The following RGL1 variants were observed in gnomAD, a reference collection of about 807,000 sequenced individuals.
The protein encoded by RGL1 is ral guanine nucleotide dissociation stimulator-like 1.
In RGL1, 24 loss-of-function variants were observed where a neutral mutation model predicts 95.2. That is an observed-to-expected ratio of 0.25 (90% CI 0.18 to 0.35). The LOEUF (loss-of-function observed/expected upper bound fraction) is 0.35. Ranked by LOEUF, RGL1 falls within the 10% of genes least tolerant of loss-of-function variation. The probability of loss-of-function intolerance (pLI) is 1.00; values close to 1 mark genes in which losing one functional copy is unlikely to be tolerated. For synonymous variants in RGL1, 329 were observed against 344.9 expected (o/e 0.95, Z 0.51); for missense variants, 715 against 936.3 (o/e 0.76, Z 3.08).
intron 2 of RGL1, among the ~76,000 whole-genome samples, chr1:183,841,290 C>T (rs1664041503): frequency 6.6e-6 from 1 of 152,092 alleles, no homozygotes; most frequent in African/African-American, 2.4e-5. Context: ...TTTTAGTATG[C>T]ATAGATCCCA....
chr1:183,660,135 A>G (rs1651500105), intron 1 of RGL1, among the ~76,000 whole-genome samples: 1 of 152,210 alleles, frequency 6.6e-6, no homozygotes, highest in Non-Finnish European at 1.5e-5. Context: ...GAGGCTAGGA[A>G]GAAACTGCAT....
intron 2 of RGL1, among the ~76,000 whole-genome samples, chr1:183,779,606 G>GTAAGATGACTC (rs1361010373): frequency 6.6e-6 from 1 of 152,092 alleles, no homozygotes; most frequent in African/African-American, 2.4e-5. Context: ...CGATGAGTGT[G>GTAAGATGACTC]TAAGATGACT....
intron 1 of RGL1, among the ~76,000 whole-genome samples, chr1:183,739,050 G>A (rs1657125690): frequency 6.6e-6 from 1 of 152,210 alleles, no homozygotes; most frequent in African/African-American, 2.4e-5. Flanking sequence ...AAATTAAGAA[G>A]TTTAAGGTAG....
intron 14 of RGL1, among the ~76,000 whole-genome samples, chr1:183,910,395 C>G (rs1264332659): frequency 1.3e-5 from 2 of 152,150 alleles, no homozygotes; most frequent in African/African-American, 4.8e-5. Context: ...CTGTGCCTGG[C>G]CCCCTGTTGA....
At chr1:183,863,003 A>G (rs1318855556) in intron 3 of RGL1, among the ~76,000 whole-genome samples, 1 of 152,220 alleles carries the variant, frequency 6.6e-6, no homozygotes, top group Non-Finnish European at 1.5e-5. Flanking sequence ...GCAGTCTGGG[A>G]AGGCCTCACT....
chr1:183,711,347 G>A (rs1655252406), intron 1 of RGL1, among the ~76,000 whole-genome samples: 1 of 152,172 alleles, frequency 6.6e-6, no homozygotes, highest in South Asian at 2.1e-4. Flanking sequence ...GTCCCTGGAT[G>A]TAGTTCAATG....
At chr1:183,679,329 C>T (rs1653041631) in intron 1 of RGL1, among the ~76,000 whole-genome samples, 1 of 151,882 alleles carries the variant, frequency 6.6e-6, no homozygotes, top group South Asian at 2.1e-4. Context: ...TGGTGGTTTC[C>T]TGCACCTATC....
At chr1:183,822,171 C>A (rs187079525) in intron 2 of RGL1, among the ~76,000 whole-genome samples, 47 of 151,986 alleles carry the variant, frequency 3.1e-4, no homozygotes, top group African/African-American at 9.9e-4. Flanking sequence ...TGTAAAAATT[C>A]TTTTGGGCTG....
intron 2 of RGL1, among the ~76,000 whole-genome samples, chr1:183,749,999 C>G (rs562976957): frequency 3.0e-4 from 46 of 152,120 alleles, no homozygotes; most frequent in Non-Finnish European, 6.2e-4. Context: ...AAATTTTTTT[C>G]TTCATTTCAA....
At chr1:183,878,849 C>G (rs779313414) in intron 4 of RGL1, among the ~76,000 whole-genome samples, 5 of 152,158 alleles carry the variant, frequency 3.3e-5, no homozygotes, top group Non-Finnish European at 7.3e-5. Context: ...TATCACCTCT[C>G]CATATCTGTT....
At chr1:183,738,364 T>C (rs554363007) in intron 1 of RGL1, among the ~76,000 whole-genome samples, 3 of 151,440 alleles carry the variant, frequency 2.0e-5, no homozygotes, top group Non-Finnish European at 4.4e-5. Flanking sequence ...GAGGTTGCAG[T>C]AAGCTGAGAT....
intron 2 of RGL1, among the ~76,000 whole-genome samples, chr1:183,828,971 G>A (rs1418356677): frequency 6.6e-6 from 1 of 152,072 alleles, no homozygotes; most frequent in Non-Finnish European, 1.5e-5. Flanking sequence ...CTTCAGTCAT[G>A]GTTTATTTCA....
intron 8 of RGL1, among the ~76,000 whole-genome samples, chr1:183,891,295 T>G (rs572334343): frequency 6.6e-6 from 1 of 151,984 alleles, no homozygotes; most frequent in Non-Finnish European, 1.5e-5. Flanking sequence ...CCCTGGAGGG[T>G]GTGTAGAGAA....
intron 1 of RGL1, among the ~76,000 whole-genome samples, chr1:183,674,891 T>C (rs1180759931): frequency 6.6e-6 from 1 of 152,218 alleles, no homozygotes; most frequent in African/African-American, 2.4e-5. Context: ...CTCTTCATAT[T>C]TTCTGTCTTT....
chr1:183,835,934 CT>C (rs1052375174), intron 2 of RGL1, among the ~76,000 whole-genome samples: 1 of 152,078 alleles, frequency 6.6e-6, no homozygotes, highest in African/African-American at 2.4e-5. Context: ...TACCGTATTG[CT>C]TTGTGTTTTT....
chr1:183,841,554 G>C (rs1421406118), intron 2 of RGL1, among the ~76,000 whole-genome samples: 1 of 152,166 alleles, frequency 6.6e-6, no homozygotes, highest in African/African-American at 2.4e-5. Context: ...GTTCACACAA[G>C]GCAGAACCTC....
In RGL1 at chr1:183,672,398, A is replaced by G. The variant is rs117071589; in HGVS notation, c.-33+35897A>G. On this transcript the variant is annotated intron_variant, in intron 1 of 18. Coordinates refer to the RGL1 transcript ENST00000304685. ...AAATGTTTCTCTGTTCTCAACAGAT[A>G]AAAATATTTCTCTCTTTTCCCATCT... is the stretch of plus-strand genomic sequence containing the variant. Among the ~76,000 whole-genome samples, 235 of 152,328 alleles carry G rather than the reference A, an allele frequency of 1.5e-3. 7 individuals carry two copies. In the East Asian group the frequency reaches 0.041, roughly 27 times the overall value.
At chr1:183,799,197 T>G (rs1370788412) in intron 2 of RGL1, among the ~76,000 whole-genome samples, 1 of 152,200 alleles carries the variant, frequency 6.6e-6, no homozygotes, top group East Asian at 1.9e-4. Flanking sequence ...CCACCATGCC[T>G]GGCCTCCTTT....
chr1:183,922,680 C>G (rs1222388217), intron 17 of RGL1, among the ~76,000 whole-genome samples: 2 of 152,166 alleles, frequency 1.3e-5, no homozygotes, highest in African/African-American at 4.8e-5. Context: ...TTGCAGGTGG[C>G]CACACACCTC....
Sources: gnomAD v4.1 joint callset for allele counts (sites outside exome capture counted in the v4.1 genomes callset) on GRCh38, gnomAD v4.1.1 for gene constraint, MANE v1.5 for transcripts, NCBI Gene and HGNC (gene_info 2026-07-23, HGNC 2026-07-21) for gene names.